Variants in NUGGC observed in about 807,000 individuals in gnomAD.
NUGGC encodes nuclear GTPase SLIP-GC.
In NUGGC, 58 loss-of-function variants were observed where a neutral mutation model predicts 92.6. The ratio of observed to expected loss-of-function variants is 0.63; its 90% CI spans 0.51 to 0.78. NUGGC has a LOEUF of 0.78. Ranked by LOEUF, NUGGC falls within the 30% of genes least tolerant of loss-of-function variation. NUGGC has a pLI of 0.00. For synonymous variants in NUGGC, 376 were observed against 366.4 expected, an observed-to-expected ratio of 1.03 and a Z score of -0.30; for missense variants, 925 against 964.6, an observed-to-expected ratio of 0.96 and a Z score of 0.54.
Position 28,047,058 on chromosome 8 carries a change from C to T in NUGGC, c.1312+449G>A, listed in dbSNP as rs563496422. On this transcript the variant is annotated intron_variant, in intron 11 of 18. Transcript: ENST00000413272. ...CAATCTTGGCTCACTGCAACCTCTG[C>T]CTCCCGGGTTCAAGCAATTCTCCTG... Among the ~76,000 whole-genome samples, 14 of 152,086 alleles carry T rather than the reference C, an allele frequency of 9.2e-5. No individual in the cohort carries two copies. The East Asian group carries it at 2.3e-3, about 25-fold the overall frequency.
intron 1 of NUGGC, among the ~76,000 whole-genome samples, chr8:28,077,638 A>T (rs1280455932): frequency 2.6e-5 from 4 of 152,210 alleles, no homozygotes; most frequent in Non-Finnish European, 5.9e-5. Context: ...TGAAGAGAGC[A>T]GCTTAAGGAG....
At position 28,039,202 on chromosome 8, in the gene NUGGC, C is replaced by T. The variant is rs547637700; in HGVS notation, c.1611+1849G>A. 1.6e-4 allele frequency among the ~76,000 whole-genome samples: 25 copies of T among 151,892 alleles called. No homozygotes were observed. The East Asian group carries it at 3.9e-3, about 24-fold the overall frequency. ...AGAGAATCTCCTCCTTTCCTTTCAT[C>T]CAAATTGCAGCACATGCATCTACTT... On this transcript the variant is annotated intron_variant, in intron 13 of 18. Coordinates refer to ENST00000413272, the MANE Select transcript of NUGGC (RefSeq NM_001010906.2).
Position 28,033,544 on chromosome 8 carries a change from A to G in NUGGC, c.1765T>C (p.Phe589Leu), listed in dbSNP as rs1198582749. 6.2e-7 allele frequency: 1 copy of G among 1,612,750 alleles called. No homozygotes were observed. Residue 589 changes from phenylalanine to leucine, a missense_variant, in exon 14 of 19, where the codon TTT (phenylalanine) becomes CTT (leucine). Physicochemically the swap from Phe to Leu is conservative, Grantham distance 22. Coordinates refer to ENST00000413272, the MANE Select transcript of NUGGC (RefSeq NM_001010906.2). The stretch of plus-strand genomic sequence containing the variant: ...GCAAGATGAGAGATCCTTTACCTAA[A>G]AATGCTTCCAAAAACAGGGTCGATC... ...DQIDPVFGSI[F>L]RTGKPTGSAL...
At chr8:28,068,190 G>T in intron 5 of NUGGC, 26 bp downstream of exon 5, 1 of 1,369,158 alleles carries the variant, frequency 7.3e-7, no homozygotes, top group South Asian at 1.3e-5. Context: ...GGAAGGGAAG[G>T]AAGGAGGGAG....
chr8:28,053,927 G>T (rs777004364), intron 10 of NUGGC, among the ~76,000 whole-genome samples: 2 of 152,126 alleles, frequency 1.3e-5, no homozygotes, highest in Non-Finnish European at 2.9e-5. Context: ...ATGATATTGC[G>T]CTAGAAACAA....
At chr8:28,070,497 G>C (rs1236588371) in intron 2 of NUGGC, 141 bp from the exon 3 acceptor site, 1 of 560,172 alleles carries the variant, frequency 1.8e-6, no homozygotes. Flanking sequence ...AAGCATGAGG[G>C]ATTACATGCC....
chr8:28,052,276 C>T (rs1454261224), intron 10 of NUGGC, among the ~76,000 whole-genome samples: 1 of 152,118 alleles, frequency 6.6e-6, no homozygotes. Context: ...CTGCTGCAGG[C>T]CAGGTGGCAG....
chr8:28,079,900 T>A (rs1325447695), intron 1 of NUGGC, among the ~76,000 whole-genome samples: 1 of 150,646 alleles, frequency 6.6e-6, no homozygotes, highest in East Asian at 2.0e-4. Flanking sequence ...TGCAAACTGC[T>A]TTTTTGTTTT....
intron 10 of NUGGC, among the ~76,000 whole-genome samples, chr8:28,049,124 T>A (rs1168294294): frequency 6.6e-6 from 1 of 152,038 alleles, no homozygotes; most frequent in Non-Finnish European, 1.5e-5. Flanking sequence ...AAGAGCTGAG[T>A]GAGTAGACGC....
intron 9 of NUGGC, 75 bp from the exon 10 acceptor site, chr8:28,056,129 T>A (rs2130187626): frequency 2.5e-6 from 2 of 807,520 alleles, no homozygotes; most frequent in Non-Finnish European, 4.0e-6. Context: ...GATGCACATT[T>A]TTTTGGCAGA....
chr8:28,083,686 T>C (rs1409280738), intron 1 of NUGGC, 89 bp downstream of exon 1: 1 of 151,850 alleles, frequency 6.6e-6, no homozygotes, highest in Admixed American at 6.6e-5. Context: ...AATATTCCTG[T>C]AAACTCAAAA....
At chr8:28,058,726 G>A (rs866379657) in intron 8 of NUGGC, among the ~76,000 whole-genome samples, 23 of 148,970 alleles carry the variant, frequency 1.5e-4, no homozygotes, top group Middle Eastern at 3.4e-3. Flanking sequence ...TTTTTGAGAC[G>A]GAGTCTCACT....
intron 11 of NUGGC, 95 bp downstream of exon 11, chr8:28,047,412 T>A (rs550938535): frequency 2.7e-6 from 2 of 729,472 alleles, no homozygotes; most frequent in East Asian, 5.5e-5. Context: ...AAAAAAATTG[T>A]TTGTGTGGCA....
chr8:28,057,330 CTTTTTT>C (rs57167648), intron 9 of NUGGC, among the ~76,000 whole-genome samples: 1 of 124,042 alleles, frequency 8.1e-6, no homozygotes, highest in African/African-American at 3.1e-5. Context: ...ATTTTCTTTC[CTTTTTT>C]TTTTTTTTTT....
intron 2 of NUGGC, among the ~76,000 whole-genome samples, chr8:28,071,154 GATAA>G (rs1429776987): frequency 6.6e-6 from 1 of 152,150 alleles, no homozygotes; most frequent in Non-Finnish European, 1.5e-5. Flanking sequence ...TATCTCCCCA[GATAA>G]ATAGTTTCTA....
Position 28,060,576 on chromosome 8 carries a change from C to G in NUGGC, c.947G>C (p.Trp316Ser), listed in dbSNP as rs750452748. 6.2e-7 allele frequency: 1 copy of G among 1,612,790 alleles called. No individual in the cohort carries two copies. Among genetic ancestry groups the G allele is most frequent in the Admixed American group, 1.7e-5 (1 of 59,582 alleles). ...KKTIDKCSVI[W>S]VISDIERVSG... ...AACTCGCTCTATGTCGCTGATCACCCAGATCACTGAGCACTTGTCAATGGT... is the reference window on the plus strand; with the variant it reads ...AACTCGCTCTATGTCGCTGATCACCGAGATCACTGAGCACTTGTCAATGGT... The change falls in exon 8 of 19, where the codon TGG becomes TCG. Residue 316 changes from tryptophan to serine, a missense_variant. Transcript: ENST00000413272.
chr8:28,039,202 C>A (rs547637700), intron 13 of NUGGC, among the ~76,000 whole-genome samples: 1 of 151,782 alleles, frequency 6.6e-6, no homozygotes, highest in Non-Finnish European at 1.5e-5. Context: ...TTCCTTTCAT[C>A]CAAATTGCAG....
intron 12 of NUGGC, 33 bp from the exon 13 acceptor site, chr8:28,041,248 C>T: frequency 1.3e-6 from 2 of 1,584,400 alleles, no homozygotes; most frequent in Non-Finnish European, 1.7e-6. Flanking sequence ...AATCAGGCCA[C>T]CCCCTCCCTA....
intron 18 of NUGGC, among the ~76,000 whole-genome samples, chr8:28,024,821 T>C (rs566583330): frequency 5.9e-5 from 9 of 152,306 alleles, no homozygotes; most frequent in Admixed American, 2.0e-4. Context: ...AGGACCCAGC[T>C]TCAGTGACGC....
Sources: allele counts gnomAD v4.1 joint callset (sites outside exome capture counted in the v4.1 genomes callset), GRCh38; gene constraint gnomAD v4.1.1; transcripts MANE v1.5; gene names NCBI Gene and HGNC (gene_info 2026-07-23, HGNC 2026-07-21).